Variants in KCND3 observed in about 807,000 individuals in gnomAD.
KCND3 encodes the protein A-type voltage-gated potassium channel KCND3.
In KCND3, 9 loss-of-function variants were observed where a neutral mutation model predicts 51.1. That is an observed-to-expected ratio of 0.18 (90% CI 0.11 to 0.31). The LOEUF (loss-of-function observed/expected upper bound fraction) is 0.31. Among genes scored for constraint, KCND3 ranks in the 10% least tolerant of loss-of-function variants. The probability of loss-of-function intolerance (pLI) is 1.00; values close to 1 mark genes in which losing one functional copy is unlikely to be tolerated. For synonymous variants in KCND3, 349 were observed against 368.0 expected, an observed-to-expected ratio of 0.95 and a Z score of 0.59; for missense variants, 526 against 903.8, an observed-to-expected ratio of 0.58 and a Z score of 5.36.
chr1:111,800,177 T>C (rs1160593292), intron 2 of KCND3, among the ~76,000 whole-genome samples: 5 of 134,196 alleles, frequency 3.7e-5, no homozygotes, highest in African/African-American at 1.1e-4. Context: ...ATGGGAGACT[T>C]TTCATTTTGT....
chr1:111,904,407 C>T (rs1020634461), intron 2 of KCND3, among the ~76,000 whole-genome samples: 2 of 152,164 alleles, frequency 1.3e-5, no homozygotes, highest in African/African-American at 4.8e-5. Flanking sequence ...GGGCAGCTTT[C>T]CTAGCTGCTA....
At chr1:111,801,431 CAG>C (rs1335225202) in intron 2 of KCND3, among the ~76,000 whole-genome samples, 1 of 152,208 alleles carries the variant, frequency 6.6e-6, no homozygotes, top group African/African-American at 2.4e-5. Context: ...CTCTTATGGC[CAG>C]AGTCTTCCCT....
intron 2 of KCND3, among the ~76,000 whole-genome samples, chr1:111,881,536 C>T (rs1197267220): frequency 2.0e-5 from 3 of 152,214 alleles, no homozygotes; most frequent in African/African-American, 7.2e-5. Context: ...CTTCTGGCTA[C>T]TGCGTGTGGA....
chr1:111,778,010 A>G (rs956996406), intron 6 of KCND3, among the ~76,000 whole-genome samples: 2 of 152,190 alleles, frequency 1.3e-5, no homozygotes, highest in African/African-American at 4.8e-5. Flanking sequence ...CTACAAATCT[A>G]TGGCATTGAT....
intron 2 of KCND3, among the ~76,000 whole-genome samples, chr1:111,865,791 A>G (rs1279552202): frequency 6.6e-6 from 1 of 152,130 alleles, no homozygotes; most frequent in Non-Finnish European, 1.5e-5. Flanking sequence ...TGCAGCCTCT[A>G]CGTCCTGGAT....
rs752361842 is a variant in KCND3, at chr1:111,778,453, G to A, written c.1501C>T (p.Arg501Ter). The change falls in exon 6 of 8, where the codon CGA (arginine) becomes TGA (stop). Residue 501 changes from arginine to a stop codon, truncating the protein, a stop_gained. Transcript: ENST00000302127. LOFTEE classifies it high-confidence loss of function. ...AGTTATACCTTGATGGTGGAGGTTC[G>A]TACAGATAACAGGGGATCATCCACA... ...YLVDDPLLSV[R>*]TSTIKNHEFI... 6.2e-6 allele frequency: 10 copies of A among 1,613,802 alleles called. No homozygotes were observed. Among genetic ancestry groups the A allele is most frequent in the Admixed American group, 5.0e-5 (3 of 60,022 alleles).
intron 2 of KCND3, among the ~76,000 whole-genome samples, chr1:111,801,313 C>T (rs879381318): frequency 7.9e-5 from 12 of 152,184 alleles, no homozygotes; most frequent in Admixed American, 1.3e-4. Context: ...TATGCCCTGA[C>T]GTAGCTCCCA....
chr1:111,898,435 G>A (rs562007507), intron 2 of KCND3, among the ~76,000 whole-genome samples: 10 of 152,208 alleles, frequency 6.6e-5, no homozygotes, highest in African/African-American at 2.2e-4. Flanking sequence ...TCTGATCATC[G>A]CTTGACATTG....
chr1:111,810,795 TA>T (rs1398469938), intron 2 of KCND3, among the ~76,000 whole-genome samples: 1 of 152,196 alleles, frequency 6.6e-6, no homozygotes, highest in Non-Finnish European at 1.5e-5. Context: ...AACTTGGCTA[TA>T]TTTTTTTTCC....
intron 2 of KCND3, among the ~76,000 whole-genome samples, chr1:111,847,276 T>C (rs993400936): frequency 3.9e-5 from 6 of 152,146 alleles, no homozygotes; most frequent in African/African-American, 1.2e-4. Context: ...CTGTATCACC[T>C]TTCCTCCTAG....
At chr1:111,897,232 C>A (rs1483853606) in intron 2 of KCND3, among the ~76,000 whole-genome samples, 4 of 152,228 alleles carry the variant, frequency 2.6e-5, no homozygotes, top group African/African-American at 9.6e-5. Context: ...CTGTGACAGT[C>A]CAACAGTCCC....
intron 2 of KCND3, among the ~76,000 whole-genome samples, chr1:111,921,675 G>A (rs1671481593): frequency 6.6e-6 from 1 of 152,204 alleles, no homozygotes; most frequent in African/African-American, 2.4e-5. Context: ...CACAAGGGAG[G>A]ACTGGGGATG....
intron 2 of KCND3, chr1:111,856,916 T>C (rs1407382834): frequency 6.6e-6 from 1 of 152,366 alleles, no homozygotes; most frequent in East Asian, 1.9e-4. Flanking sequence ...CAGCTGCCTG[T>C]CTACCTTGTT....
intron 2 of KCND3, among the ~76,000 whole-genome samples, chr1:111,842,844 C>T (rs1250655494): frequency 3.3e-5 from 5 of 152,214 alleles, no homozygotes; most frequent in Non-Finnish European, 7.3e-5. Flanking sequence ...AATCCCAGCT[C>T]TCCCCACCTC....
intron 2 of KCND3, among the ~76,000 whole-genome samples, chr1:111,789,792 A>C (rs1483148471): frequency 6.6e-6 from 1 of 152,208 alleles, no homozygotes; most frequent in African/African-American, 2.4e-5. Flanking sequence ...AGTGAGGTTA[A>C]CTGGTTGGTA....
chr1:111,965,563 A>C (rs1571914221), intron 2 of KCND3, among the ~76,000 whole-genome samples: 1 of 149,302 alleles, frequency 6.7e-6, no homozygotes, highest in East Asian at 2.0e-4. Context: ...TGCCCTTTCC[A>C]GCTCTCCAAA....
Position 111,780,541 on chromosome 1 carries a change from T to C in KCND3, c.1371+149A>G. On this transcript the variant is annotated intron_variant, in intron 4 of 7. Coordinates refer to ENST00000302127, the MANE Select transcript of KCND3 (RefSeq NM_001378969.1). This position sits in a 1 kb window ranked among gnomAD's most constrained non-coding sequence, Gnocchi z 4.2. Reference sequence around the variant, plus strand: ...TAATCCTATGGAAGTGGTGTGTGAATGGGGGGCTGCTACCTGGGGAAAGTT... The same window carrying C: ...TAATCCTATGGAAGTGGTGTGTGAACGGGGGGCTGCTACCTGGGGAAAGTT... 1 of 817,702 alleles carries C rather than the reference T, an allele frequency of 1.2e-6. No individual in the cohort carries two copies. Among genetic ancestry groups the C allele is most frequent in the Admixed American group, 2.0e-5 (1 of 49,500 alleles). 50.7% of individuals were successfully genotyped at this position (817,702 alleles called of 1,614,324 possible).
At chr1:111,950,509 C>G (rs932757484) in intron 2 of KCND3, among the ~76,000 whole-genome samples, 23 of 152,222 alleles carry the variant, frequency 1.5e-4, no homozygotes, top group African/African-American at 5.3e-4. Flanking sequence ...TGGTGCCCAG[C>G]AGGTGCTATA....
intron 2 of KCND3, among the ~76,000 whole-genome samples, chr1:111,940,116 T>C (rs1672442476): frequency 7.0e-6 from 1 of 143,588 alleles, no homozygotes; most frequent in African/African-American, 2.6e-5. Flanking sequence ...TTGTAGATTC[T>C]GGATATTAGC....
Sources: gnomAD v4.1 joint callset for allele counts (sites outside exome capture counted in the v4.1 genomes callset) on GRCh38, gnomAD v4.1.1 for gene constraint, Gnocchi (gnomAD v3.1) non-coding constraint, MANE v1.5 for transcripts, NCBI Gene and HGNC (gene_info 2026-07-23, HGNC 2026-07-21) for gene names.